The following COL4A5 variants were observed in gnomAD, a reference collection of about 807,000 sequenced individuals.
The protein encoded by COL4A5 is collagen type IV alpha 5 chain, also known as collagen alpha-5(IV) chain.
In COL4A5, 26 loss-of-function variants were observed where a neutral mutation model predicts 130.2. The observed-to-expected ratio is 0.20, with a 90% confidence interval of 0.15 to 0.28. The LOEUF is 0.28. COL4A5 is among the 10% of genes least tolerant of loss of function. The pLI is 1.00. For synonymous variants in COL4A5, 496 were observed against 439.6 expected (o/e 1.13, Z -1.60); for missense variants, 1,131 against 1,344.3 (o/e 0.84, Z 2.48).
At chrX:108,528,737 C>T (rs1008481753) in intron 1 of COL4A5, among the ~76,000 whole-genome samples, 1 of 112,256 alleles carries the variant, frequency 8.9e-6, no homozygotes, top group Non-Finnish European at 1.9e-5. Flanking sequence ...GAAGTCAGTT[C>T]TTTTTAAATA....
At chrX:108,539,660 A>G (rs2065507056) in intron 1 of COL4A5, 86 bp from the exon 2 acceptor site, 12 of 763,717 alleles carry the variant, frequency 1.6e-5, no homozygotes, top group Non-Finnish European at 2.4e-5. Context: ...TCAAGTTTGG[A>G]TTGTTGATTT....
At chrX:108,695,462 T>C (rs756173765) in intron 52 of COL4A5, 23 bp downstream of exon 52, 1 of 1,198,317 alleles carries the variant, frequency 8.3e-7, no homozygotes. Flanking sequence ...TAGCTTTAAT[T>C]CAGGTCCAAA....
chrX:108,621,298 C>T (rs1473557871), intron 31 of COL4A5, among the ~76,000 whole-genome samples: 4 of 108,464 alleles, frequency 3.7e-5, no homozygotes, highest in African/African-American at 1.3e-4. Context: ...GCTGGGACTA[C>T]AAGCACATAC....
chrX:108,614,367 A>C (rs2066888435), intron 29 of COL4A5, among the ~76,000 whole-genome samples: 1 of 111,622 alleles, frequency 9.0e-6, no homozygotes, highest in Non-Finnish European at 1.9e-5. Context: ...ACCTTTGTCA[A>C]AACTCATCAA....
At chrX:108,642,407 C>A (rs1398173111) in intron 36 of COL4A5, among the ~76,000 whole-genome samples, 1 of 111,212 alleles carries the variant, frequency 9.0e-6, no homozygotes, top group African/African-American at 3.3e-5. Context: ...CTGGAAAGTG[C>A]CACCTCCTGG....
At chrX:108,510,916 G>A (rs1024266260) in intron 1 of COL4A5, among the ~76,000 whole-genome samples, 11 of 111,319 alleles carry the variant, frequency 9.9e-5, no homozygotes, top group South Asian at 3.7e-4. Context: ...AACATATTAT[G>A]TGTAGTGATC....
At chrX:108,463,816 CAA>C (rs1385781514) in intron 1 of COL4A5, among the ~76,000 whole-genome samples, 1 of 111,923 alleles carries the variant, frequency 8.9e-6, no homozygotes, top group Non-Finnish European at 1.9e-5. Flanking sequence ...AGAGAATGCT[CAA>C]GAGAGCTTAT....
At chrX:108,680,078 A>G (rs2068395852) in intron 44 of COL4A5, among the ~76,000 whole-genome samples, 1 of 112,151 alleles carries the variant, frequency 8.9e-6, no homozygotes, top group Non-Finnish European at 1.9e-5. Context: ...ATTTATGCAA[A>G]TGAAGGATTC....
chrX:108,667,439 A>G (rs1348916512), intron 40 of COL4A5, among the ~76,000 whole-genome samples: 2 of 111,542 alleles, frequency 1.8e-5, no homozygotes, highest in Admixed American at 9.5e-5. Flanking sequence ...TGCTGAGGAA[A>G]TAAGAAAGAA....
chrX:108,465,488 A>G (rs1480061252), intron 1 of COL4A5, among the ~76,000 whole-genome samples: 1 of 112,124 alleles, frequency 8.9e-6, no homozygotes, highest in Non-Finnish European at 1.9e-5. Context: ...TCATGTTTAC[A>G]TAAATATACA....
At chrX:108,460,636 C>T (rs1233332723) in intron 1 of COL4A5, among the ~76,000 whole-genome samples, 1 of 102,460 alleles carries the variant, frequency 9.8e-6, no homozygotes, top group Non-Finnish European at 2.0e-5. Flanking sequence ...ATTACAGATG[C>T]CTGCCACCAC....
intron 36 of COL4A5, among the ~76,000 whole-genome samples, chrX:108,654,217 G>A (rs976543505): frequency 8.9e-6 from 1 of 112,177 alleles, no homozygotes; most frequent in Non-Finnish European, 1.9e-5. Flanking sequence ...TGTGAAAGTG[G>A]GTATGAATTC....
intron 1 of COL4A5, among the ~76,000 whole-genome samples, chrX:108,482,115 A>T (rs961425370): frequency 9.0e-6 from 1 of 111,555 alleles, no homozygotes; most frequent in Non-Finnish European, 1.9e-5. Context: ...CAAATCAACA[A>T]ATTCAGCCTG....
chrX:108,559,200 CTTAAATG>C, intron 3 of COL4A5, 47 bp downstream of exon 3: 2 of 995,236 alleles, frequency 2.0e-6, no homozygotes, highest in Non-Finnish European at 2.9e-6. Context: ...ATTAAGTCAT[CTTAAATG>C]TGGGACTAGG....
intron 1 of COL4A5, among the ~76,000 whole-genome samples, chrX:108,470,773 T>G (rs2064759657): frequency 8.9e-6 from 1 of 111,905 alleles, no homozygotes; most frequent in Admixed American, 9.5e-5. Flanking sequence ...TTCTTATAGT[T>G]TGATGTGCTA....
At chrX:108,631,968 A>T (rs2067269327) in intron 36 of COL4A5, among the ~76,000 whole-genome samples, 1 of 111,287 alleles carries the variant, frequency 9.0e-6, no homozygotes, top group African/African-American at 3.3e-5. Flanking sequence ...GGCAGGAAAT[A>T]ACTAAGATCA....
intron 4 of COL4A5, among the ~76,000 whole-genome samples, chrX:108,566,211 A>G (rs774228479): frequency 1.8e-5 from 2 of 110,578 alleles, no homozygotes; most frequent in Non-Finnish European, 3.8e-5. Context: ...CAGAAACTTC[A>G]AGTGGTCATC....
chrX:108,463,903 G>T (rs989982233), intron 1 of COL4A5, among the ~76,000 whole-genome samples: 2 of 111,644 alleles, frequency 1.8e-5, no homozygotes, highest in Admixed American at 1.9e-4. Flanking sequence ...AATAGATAGG[G>T]CAGATTCCCC....
intron 6 of COL4A5, 46 bp downstream of exon 6, chrX:108,568,867 T>G: frequency 1.8e-6 from 2 of 1,085,459 alleles, no homozygotes; most frequent in Non-Finnish European, 2.6e-6. Flanking sequence ...TGACAATAAT[T>G]AACTTAAAAA....
Sources: gnomAD v4.1 joint callset for allele counts (sites outside exome capture counted in the v4.1 genomes callset) on GRCh38, gnomAD v4.1.1 for gene constraint, MANE v1.5 for transcripts, NCBI Gene and HGNC (gene_info 2026-07-23, HGNC 2026-07-21) for gene names.